Variants in NOBOX observed in about 807,000 individuals in gnomAD.
NOBOX encodes NOBOX oogenesis homeobox, also known as homeobox protein NOBOX.
NOBOX carries 46 observed loss-of-function variants against 60.2 expected under a neutral mutation model. That is an observed-to-expected ratio of 0.76 (90% CI 0.60 to 0.98). The LOEUF (loss-of-function observed/expected upper bound fraction) is 0.98. Among genes scored for constraint, NOBOX ranks in the 50% least tolerant of loss-of-function variants. The pLI, the probability that NOBOX is intolerant of heterozygous loss-of-function variation, is 0.00. For synonymous variants in NOBOX, 360 were observed against 346.3 expected, an observed-to-expected ratio of 1.04 and a Z score of -0.44; for missense variants, 880 against 865.5, an observed-to-expected ratio of 1.02 and a Z score of -0.21.
chr7:144,399,312 C>A, intron 7 of NOBOX, 85 bp downstream of exon 5: 1 of 1,074,806 alleles, frequency 9.3e-7, no homozygotes, highest in Non-Finnish European at 1.4e-6. Flanking sequence ...TGGAGGACTC[C>A]AGTCACTCCC....
chr7:144,398,862 T>C (rs2128861087), intron 8 of NOBOX, 88 bp downstream of exon 6: 1 of 741,356 alleles, frequency 1.3e-6, no homozygotes, highest in East Asian at 2.7e-5. Context: ...CAGTTAACCC[T>C]CTCCTCTCTG....
intron 6 of NOBOX, 131 bp downstream of exon 4, chr7:144,399,626 C>T (rs2053921748): frequency 3.5e-6 from 4 of 1,127,116 alleles, no homozygotes; most frequent in Non-Finnish European, 5.2e-6. Flanking sequence ...GCCAAAATCC[C>T]TCTAAATCTT....
At chr7:144,400,902 C>A (rs934907054) in intron 4 of NOBOX, 144 bp downstream of exon 2, 2 of 589,430 alleles carry the variant, frequency 3.4e-6, no homozygotes, top group Non-Finnish European at 5.3e-6. Flanking sequence ...GTTGCACTAC[C>A]GCGGCCCAAG....
intron 9 of NOBOX, 144 bp downstream of exon 7, chr7:144,398,138 A>G (rs1352491630): frequency 4.0e-6 from 3 of 752,170 alleles, no homozygotes; most frequent in Non-Finnish European, 6.9e-6. Context: ...TCGAGGGAGA[A>G]GAGCTTAATA....
intron 1 of NOBOX, among the ~76,000 whole-genome samples, chr7:144,407,514 C>T (rs191026112): frequency 2.0e-5 from 3 of 152,282 alleles, no homozygotes; most frequent in Non-Finnish European, 2.9e-5. Flanking sequence ...GCAGAGAGAG[C>T]GAAGGGAAGC....
At chr7:144,403,774 A>G (rs2053961790) in intron 2 of NOBOX, 81 bp from the exon 1 acceptor site, 22 of 555,168 alleles carry the variant, frequency 4.0e-5, no homozygotes, top group Middle Eastern at 6.3e-4. Context: ...GCAGGTGTGC[A>G]GCCCGCACGG....
rs2053910450 is a variant in NOBOX, at chr7:144,398,520, GTTGCTCTGTTGGT to G, written c.1523_1535del (p.Tyr508SerfsTer38). On this transcript the variant is annotated frameshift_variant, in exon 9 of 10. Transcript: ENST00000467773. LOFTEE classifies it high-confidence loss of function. ...GGGAGAACTGGAAGGGTCCTGGCTG[GTTGCTCTGTTGGT>G]AATCCTGGGGCTCCAGCTCCTCCAA... is the stretch of plus-strand genomic sequence containing the variant. 4.6e-6 allele frequency: 7 copies of G among 1,536,594 alleles called. No homozygotes were observed. Among genetic ancestry groups the G allele is most frequent in the Non-Finnish European group, 6.1e-6 (7 of 1,146,790 alleles).
chr7:144,403,789 G>T (rs2053962240), intron 2 of NOBOX, 96 bp from the exon 1 acceptor site: 1 of 501,342 alleles, frequency 2.0e-6, no homozygotes, highest in Admixed American at 4.1e-5. Flanking sequence ...GCACGGGCCG[G>T]GCCGGGCCGG....
chr7:144,400,120 G>A lies in NOBOX; in HGVS notation c.1037C>T (p.Ala346Val), dbSNP rs140911886. Reference sequence around the variant, plus strand: ...CAATTCAGCTCCTACCCAGGCTACCGCTGAGCGCTCACTCTGCAATTCGAG... The same window carrying A: ...CAATTCAGCTCCTACCCAGGCTACCACTGAGCGCTCACTCTGCAATTCGAG... The change falls in exon 5 of 10, where the codon GCG becomes GTG. Residue 346 changes from alanine (A) to valine (V), a missense_variant. Ala to Val is a moderately conservative substitution (Grantham distance 64, BLOSUM62 0). Transcript: ENST00000467773. 205 of 1,612,582 alleles carry A rather than the reference G, an allele frequency of 1.3e-4. No homozygotes were observed. The African/African-American group carries it at 1.8e-3, about 14-fold the overall frequency.
chr7:144,409,866 G>A (rs756189487), intron 1 of NOBOX, among the ~76,000 whole-genome samples: 2 of 152,168 alleles, frequency 1.3e-5, no homozygotes, highest in Non-Finnish European at 2.9e-5. Context: ...GAAGGGGTCC[G>A]GGATTCTAAG....
chr7:144,406,606 T>G (rs1440394288), intron 1 of NOBOX, among the ~76,000 whole-genome samples: 1 of 151,820 alleles, frequency 6.6e-6, no homozygotes, highest in East Asian at 1.9e-4. Context: ...AGAAATGAGG[T>G]TTTTTTCCCC....
rs1299986863 is a variant in NOBOX, at chr7:144,398,440, G to A, written c.1616C>T (p.Pro539Leu). Residue 539 changes from proline to leucine, a missense_variant, in exon 9 of 10, where the codon CCC (proline) becomes CTC (leucine). Physicochemically the swap from Pro to Leu is moderately conservative, Grantham distance 98. Transcript: ENST00000467773. ...ACTGGGCATGGAGAAGGGGAAAGTGGGGAGGTAGGGCAACTTGGGCTGAGG... is the reference window on the plus strand; with the variant it reads ...ACTGGGCATGGAGAAGGGGAAAGTGAGGAGGTAGGGCAACTTGGGCTGAGG... The A allele has an allele frequency of 6.5e-7, 1 of 1,537,268 alleles. No individual in the cohort carries two copies. Among genetic ancestry groups the A allele is most frequent in the Admixed American group, 2.0e-5 (1 of 51,002 alleles).
chr7:144,400,348 T>C (rs1390294100), intron 4 of NOBOX, 36 bp from the exon 3 acceptor site: 2 of 1,581,040 alleles, frequency 1.3e-6, no homozygotes. Context: ...GGAGGACAAA[T>C]GCCAGTGACA....
rs1161469376 is a variant in NOBOX, at chr7:144,401,755, T to G, written c.292+114A>C. ...TAATTCCACACTTACCTTCCTAGCT[T>G]GACTATTGTGAGGATTAAATCAGAT... On this transcript the variant is annotated intron_variant, in intron 3 of 9. Transcript: ENST00000467773. This position sits in a 1 kb window ranked among gnomAD's most constrained non-coding sequence, Gnocchi z 4.2. 1.9e-6 allele frequency: 2 copies of G among 1,031,658 alleles called. No homozygotes were observed. Among genetic ancestry groups the G allele is most frequent in the African/African-American group, 3.2e-5 (2 of 62,560 alleles). The allele number at this position is 1,031,658 out of a possible 1,614,324, so 63.9% of individuals were successfully genotyped here.
chr7:144,402,844 C>A (rs1036816277), intron 2 of NOBOX, among the ~76,000 whole-genome samples: 2 of 145,798 alleles, frequency 1.4e-5, no homozygotes, highest in Non-Finnish European at 3.0e-5. Flanking sequence ...GCAACCTTGG[C>A]CCCCTGGGTT....
In NOBOX at chr7:144,398,467, G is replaced by A. The variant is rs2053909719; in HGVS notation, c.1589C>T (p.Ser530Phe). 1 of 1,537,224 alleles carries A rather than the reference G, an allele frequency of 6.5e-7. No individual in the cohort carries two copies. The highest frequency in any genetic ancestry group is 8.7e-7 in the Non-Finnish European group (1 of 1,146,908). The change falls in exon 9 of 10, where the codon TCC (serine) becomes TTC (phenylalanine). Residue 530 changes from serine (S) to phenylalanine (F), a missense_variant. Physicochemically the swap from Ser to Phe is radical, Grantham distance 155. Transcript: ENST00000467773. ...GAGGTAGGGCAACTTGGGCTGAGGG[G>A]ACTGGAAAAGCGGGGGCTGTGGAGC...
At chr7:144,399,688 C>T in intron 6 of NOBOX, 69 bp downstream of exon 4, 1 of 1,335,392 alleles carries the variant, frequency 7.5e-7, no homozygotes, top group Non-Finnish European at 1.1e-6. Context: ...TCCTTCTAGA[C>T]CCTCAGGATC....
At chr7:144,406,612 T>C (rs189715085) in intron 1 of NOBOX, among the ~76,000 whole-genome samples, 67 of 152,268 alleles carry the variant, frequency 4.4e-4, no homozygotes, top group African/African-American at 1.3e-3. Flanking sequence ...GAGGTTTTTT[T>C]CCCCCACAAA....
In NOBOX at chr7:144,399,102, G is replaced by A; in HGVS notation, c.1317C>T (p.Thr439=). 6 of 1,286,240 alleles carry A rather than the reference G, an allele frequency of 4.7e-6. No individual in the cohort carries two copies. Among genetic ancestry groups the A allele is most frequent in the Non-Finnish European group, 5.6e-6 (5 of 885,348 alleles). The allele number at this position is 1,286,240 out of a possible 1,614,324, so 79.7% of individuals were successfully genotyped here. ...CAGGTGGGGGGCTGAAGAGTGGGGG[G>A]GTCACCACCCTCTGAGCACCCTCAC... is the stretch of plus-strand genomic sequence containing the variant. The change falls in exon 8 of 10, where the codon ACC becomes ACT. Residue 439 remains threonine, a synonymous_variant. Coordinates refer to ENST00000467773, the MANE Select transcript of NOBOX (RefSeq NM_001080413.3).
Sources: allele counts gnomAD v4.1 joint callset (sites outside exome capture counted in the v4.1 genomes callset), GRCh38; gene constraint gnomAD v4.1.1; non-coding constraint Gnocchi (gnomAD v3.1); transcripts MANE v1.5; gene names NCBI Gene and HGNC (gene_info 2026-07-23, HGNC 2026-07-21).